The following IMMP2L variants were observed in gnomAD, a reference collection of about 807,000 sequenced individuals.
IMMP2L encodes the protein mitochondrial inner membrane protease subunit 2.
Under a neutral mutation model 19.3 loss-of-function variants are expected in IMMP2L, and 18 were observed. That is an observed-to-expected ratio of 0.93 (90% CI 0.64 to 1.38). IMMP2L has a LOEUF of 1.38. Ranked by LOEUF, IMMP2L falls within the 40% of genes most tolerant of loss-of-function variation. The pLI is 0.00. For synonymous variants in IMMP2L, 76 were observed against 73.0 expected (o/e 1.04, Z -0.21); for missense variants, 233 against 218.2 (o/e 1.07, Z -0.43).
At position 111,280,669 on chromosome 7, in the gene IMMP2L, A is replaced by G. The variant is rs552243726; in HGVS notation, c.239+206569T>C. Among the ~76,000 whole-genome samples the G allele has an allele frequency of 2.0e-5, 3 of 152,290 alleles. No homozygotes were observed. In the South Asian group the frequency reaches 6.2e-4, roughly 32 times the overall value. ...AAGTAACGTACAGGATGACTTCCCA[A>G]AAGCACAGACTAAAGAAACAGACAA... On this transcript the variant is annotated intron_variant, in intron 3 of 5. Coordinates refer to ENST00000405709, the MANE Select transcript of IMMP2L (RefSeq NM_032549.4).
At chr7:111,481,231 C>T (rs558774361) in intron 3 of IMMP2L, among the ~76,000 whole-genome samples, 1 of 152,172 alleles carries the variant, frequency 6.6e-6, no homozygotes, top group African/African-American at 2.4e-5. Context: ...AATTCAACTA[C>T]AGAAATGGGA....
chr7:110,664,160 G>A (rs767244473), intron 5 of IMMP2L, among the ~76,000 whole-genome samples: 2 of 152,076 alleles, frequency 1.3e-5, no homozygotes, highest in African/African-American at 2.4e-5. Context: ...TAAATCTGGC[G>A]TATATTCTCA....
chr7:110,799,415 A>T (rs1460190306), intron 5 of IMMP2L, among the ~76,000 whole-genome samples: 1 of 152,044 alleles, frequency 6.6e-6, no homozygotes, highest in African/African-American at 2.4e-5. Context: ...ATATTTGTAG[A>T]CTAATTGACT....
intron 3 of IMMP2L, among the ~76,000 whole-genome samples, chr7:111,437,037 C>A (rs1837245761): frequency 6.6e-6 from 1 of 151,810 alleles, no homozygotes; most frequent in Non-Finnish European, 1.5e-5. Context: ...ACCTCCCCTA[C>A]CTTCATCATT....
rs150322864 is a variant in IMMP2L, at chr7:111,439,606, G to C, written c.239+47632C>G. Among the ~76,000 whole-genome samples the C allele has an allele frequency of 3.9e-5, 6 of 151,988 alleles. 1 individual carries two copies. The highest frequency in any genetic ancestry group is 1.5e-4 in the African/African-American group (6 of 41,310). Reference sequence around the variant, plus strand: ...GCTAAAAAAATGCTAATGATCATCTGAGCCTTTGGCAAGTTGTAATCTTTT... The same window carrying C: ...GCTAAAAAAATGCTAATGATCATCTCAGCCTTTGGCAAGTTGTAATCTTTT... On this transcript the variant is annotated intron_variant, in intron 3 of 5. Transcript: ENST00000405709.
At chr7:110,802,725 A>G (rs183445098) in intron 5 of IMMP2L, among the ~76,000 whole-genome samples, 68 of 152,196 alleles carry the variant, frequency 4.5e-4, no homozygotes, top group African/African-American at 1.3e-3. Flanking sequence ...AAGCACAACT[A>G]TAAGAACCAC....
At chr7:111,415,906 A>T (rs1834917665) in intron 3 of IMMP2L, among the ~76,000 whole-genome samples, 1 of 151,820 alleles carries the variant, frequency 6.6e-6, no homozygotes, top group South Asian at 2.1e-4. Context: ...ACAAAAAAAC[A>T]GAAAAAAAAT....
intron 4 of IMMP2L, among the ~76,000 whole-genome samples, chr7:110,892,766 T>C (rs1255040107): frequency 6.6e-6 from 1 of 152,202 alleles, no homozygotes; most frequent in Non-Finnish European, 1.5e-5. Flanking sequence ...AGTTCCCTTA[T>C]TGGGGTATAA....
chr7:111,184,797 A>C (rs1460696908), intron 3 of IMMP2L, among the ~76,000 whole-genome samples: 1 of 151,848 alleles, frequency 6.6e-6, no homozygotes, highest in Non-Finnish European at 1.5e-5. Flanking sequence ...TTGTGTGTTC[A>C]GAAGGCATAA....
chr7:110,872,938 G>A (rs1455306382), intron 5 of IMMP2L, among the ~76,000 whole-genome samples: 1 of 152,154 alleles, frequency 6.6e-6, no homozygotes, highest in Admixed American at 6.6e-5. Flanking sequence ...AGGGGTAAAT[G>A]CCACCTCTTT....
At chr7:110,674,442 T>C (rs1275954642) in intron 5 of IMMP2L, among the ~76,000 whole-genome samples, 2 of 152,144 alleles carry the variant, frequency 1.3e-5, no homozygotes, top group African/African-American at 2.4e-5. Flanking sequence ...AGGAATGAGG[T>C]GAAGCACAAC....
At chr7:111,484,666 A>T (rs915357466) in intron 3 of IMMP2L, among the ~76,000 whole-genome samples, 20 of 152,208 alleles carry the variant, frequency 1.3e-4, no homozygotes, top group Non-Finnish European at 2.5e-4. Context: ...TCAATATTTG[A>T]TATAAATTAA....
intron 3 of IMMP2L, among the ~76,000 whole-genome samples, chr7:111,027,027 T>A (rs1319728153): frequency 6.6e-6 from 1 of 152,168 alleles, no homozygotes; most frequent in African/African-American, 2.4e-5. Flanking sequence ...CCTTGTCACA[T>A]TCTCTCCCAC....
intron 3 of IMMP2L, among the ~76,000 whole-genome samples, chr7:111,403,200 T>C (rs757018361): frequency 6.6e-6 from 1 of 151,982 alleles, no homozygotes; most frequent in Non-Finnish European, 1.5e-5. Flanking sequence ...CATGCTATTC[T>C]CGTGATAGTG....
At chr7:110,916,888 C>A (rs1326367742) in intron 4 of IMMP2L, among the ~76,000 whole-genome samples, 1 of 152,066 alleles carries the variant, frequency 6.6e-6, no homozygotes, top group Non-Finnish European at 1.5e-5. Flanking sequence ...TCAGTCATCA[C>A]AAAATGAATC....
rs542607986 is a variant in IMMP2L at position 111,528,498 on chromosome 7, A to G, written c.-2-7049T>C. On this transcript the variant is annotated intron_variant, in intron 1 of 5. Coordinates refer to ENST00000405709, the MANE Select transcript of IMMP2L (RefSeq NM_032549.4). ...AAATAAGCTTTCAGAATCAAGTGAA[A>G]CCATATTTGCCACCTGGCATACAGC... Among the ~76,000 whole-genome samples, 3 of 152,262 alleles carry G rather than the reference A, an allele frequency of 2.0e-5. No individual in the cohort carries two copies. In the East Asian group the frequency reaches 5.8e-4, roughly 29 times the overall value.
At chr7:111,063,515 G>C (rs931132056) in intron 3 of IMMP2L, among the ~76,000 whole-genome samples, 8 of 152,200 alleles carry the variant, frequency 5.3e-5, no homozygotes, top group African/African-American at 1.9e-4. Flanking sequence ...TTCTGCAGCA[G>C]GCTTGAATTT....
At chr7:110,843,054 C>G (rs565134990) in intron 5 of IMMP2L, among the ~76,000 whole-genome samples, 9 of 152,220 alleles carry the variant, frequency 5.9e-5, no homozygotes, top group Non-Finnish European at 1.2e-4. Flanking sequence ...TTGGATTACT[C>G]AAGATAGTCT....
At chr7:110,719,093 G>A (rs545295958) in intron 5 of IMMP2L, among the ~76,000 whole-genome samples, 2 of 152,274 alleles carry the variant, frequency 1.3e-5, no homozygotes, top group African/African-American at 4.8e-5. Flanking sequence ...AAGGAAAATC[G>A]GGTGATTAAT....
Sources: allele counts gnomAD v4.1 joint callset (sites outside exome capture counted in the v4.1 genomes callset), GRCh38; gene constraint gnomAD v4.1.1; transcripts MANE v1.5; gene names NCBI Gene and HGNC (gene_info 2026-07-23, HGNC 2026-07-21).